The following GPR158 variants were observed in gnomAD, a reference collection of about 807,000 sequenced individuals.
GPR158 encodes metabotropic glycine receptor.
GPR158 carries 30 observed loss-of-function variants against 78.2 expected under a neutral mutation model. The ratio of observed to expected loss-of-function variants is 0.38; its 90% CI spans 0.29 to 0.52. The LOEUF (loss-of-function observed/expected upper bound fraction) is 0.52. Ranked by LOEUF, GPR158 falls within the 20% of genes least tolerant of loss-of-function variation. GPR158 has a pLI of 0.83. For synonymous variants in GPR158, 581 were observed against 591.1 expected (o/e 0.98, Z 0.25); for missense variants, 1,463 against 1,523.5 (o/e 0.96, Z 0.66).
chr10:25,516,888 T>C (rs1343680748), intron 5 of GPR158, among the ~76,000 whole-genome samples: 200 of 117,134 alleles, frequency 1.7e-3, no homozygotes, highest in Admixed American at 2.5e-3. Flanking sequence ...TTTAAAGTAG[T>C]TTTTTCCAAT....
intron 2 of GPR158, among the ~76,000 whole-genome samples, chr10:25,390,441 T>A (rs1773609): frequency 1.4e-4 from 22 of 152,088 alleles, no homozygotes; most frequent in Non-Finnish European, 2.8e-4. Context: ...TAAGGAACTT[T>A]TTGGGAACTG....
At chr10:25,225,927 A>C (rs748770035) in intron 2 of GPR158, among the ~76,000 whole-genome samples, 3 of 152,194 alleles carry the variant, frequency 2.0e-5, no homozygotes, top group Non-Finnish European at 4.4e-5. Context: ...GATTCAAAGA[A>C]AGCAGAAAAA....
intron 2 of GPR158, among the ~76,000 whole-genome samples, chr10:25,248,095 T>C (rs1406979616): frequency 5.0e-4 from 72 of 144,594 alleles, no homozygotes; most frequent in African/African-American, 1.1e-3. Flanking sequence ...CATGTGTTTT[T>C]TGGCTGCATA....
chr10:25,346,807 A>G (rs1397293659), intron 2 of GPR158, among the ~76,000 whole-genome samples: 2 of 151,932 alleles, frequency 1.3e-5, no homozygotes, highest in African/African-American at 2.4e-5. Flanking sequence ...GAAAGATCTA[A>G]ATTTTGTTTT....
At chr10:25,221,940 G>C (rs2130683931) in intron 2 of GPR158, among the ~76,000 whole-genome samples, 1 of 152,050 alleles carries the variant, frequency 6.6e-6, no homozygotes, top group South Asian at 2.1e-4. Flanking sequence ...AAAATAGAGG[G>C]GATATTTCCA....
At chr10:25,362,595 A>G (rs1221958482) in intron 2 of GPR158, among the ~76,000 whole-genome samples, 3 of 151,808 alleles carry the variant, frequency 2.0e-5, no homozygotes, top group Admixed American at 2.0e-4. Context: ...GATGGTTTTC[A>G]TTTATCTGTA....
intron 6 of GPR158, among the ~76,000 whole-genome samples, chr10:25,560,410 T>C (rs1018764478): frequency 1.3e-5 from 2 of 151,968 alleles, no homozygotes; most frequent in African/African-American, 2.4e-5. Context: ...GGACTACAGG[T>C]GCCCGCCACC....
chr10:25,381,643 G>T (rs568510715), intron 2 of GPR158, among the ~76,000 whole-genome samples: 1 of 152,214 alleles, frequency 6.6e-6, no homozygotes, highest in African/African-American at 2.4e-5. Flanking sequence ...TATGGGTGTA[G>T]GTTTAGTAGA....
At chr10:25,322,098 T>C (rs888834369) in intron 2 of GPR158, among the ~76,000 whole-genome samples, 3 of 152,040 alleles carry the variant, frequency 2.0e-5, no homozygotes, top group Non-Finnish European at 4.4e-5. Flanking sequence ...AAATCACAGA[T>C]ACGGCCAGGC....
chr10:25,472,176 C>T (rs1345211172), intron 5 of GPR158, among the ~76,000 whole-genome samples: 3 of 152,096 alleles, frequency 2.0e-5, no homozygotes, highest in East Asian at 1.9e-4. Flanking sequence ...CAGCTTTCTA[C>T]ATATGGCTAG....
intron 4 of GPR158, among the ~76,000 whole-genome samples, chr10:25,442,196 A>C (rs1230329140): frequency 1.4e-5 from 2 of 146,850 alleles, no homozygotes; most frequent in Non-Finnish European, 3.0e-5. Context: ...AAGAACAGAA[A>C]GGAGTTTTAA....
At chr10:25,289,249 G>A (rs1261861491) in intron 2 of GPR158, among the ~76,000 whole-genome samples, 1 of 152,152 alleles carries the variant, frequency 6.6e-6, no homozygotes, top group South Asian at 2.1e-4. Context: ...CAATGAATTT[G>A]TGGTGGGTCT....
intron 6 of GPR158, among the ~76,000 whole-genome samples, chr10:25,553,777 A>G (rs1352541699): frequency 6.6e-6 from 1 of 152,148 alleles, no homozygotes; most frequent in East Asian, 1.9e-4. Context: ...CATGATAGAG[A>G]GGAAAGATGT....
At chr10:25,368,383 T>A (rs575311383) in intron 2 of GPR158, among the ~76,000 whole-genome samples, 43 of 151,930 alleles carry the variant, frequency 2.8e-4, no homozygotes, top group African/African-American at 1.0e-3. Context: ...ATGAGAAATT[T>A]GTAAGAAAAA....
In GPR158 at chr10:25,340,976, A is replaced by G. The variant is rs374092873; in HGVS notation, c.1009-54935A>G. Among the ~76,000 whole-genome samples the G allele has an allele frequency of 7.9e-5, 12 of 152,134 alleles. No individual in the cohort carries two copies. The South Asian group carries it at 2.3e-3, about 29-fold the overall frequency. On this transcript the variant is annotated intron_variant, in intron 2 of 10. Coordinates refer to ENST00000376351, the MANE Select transcript of GPR158 (RefSeq NM_020752.3). Reference sequence around the variant, plus strand: ...ATACAATTTTTTTTTAAATAGACAAAGAAATGTTTTAGGAGCTATAGTAAG... The same window carrying G: ...ATACAATTTTTTTTTAAATAGACAAGGAAATGTTTTAGGAGCTATAGTAAG...
chr10:25,549,520 T>C (rs1052219352), intron 5 of GPR158, among the ~76,000 whole-genome samples: 1 of 152,114 alleles, frequency 6.6e-6, no homozygotes, highest in African/African-American at 2.4e-5. Flanking sequence ...AAGGAAAATA[T>C]TTATCTGTAT....
At chr10:25,579,732 C>T (rs1460666689) in intron 7 of GPR158, among the ~76,000 whole-genome samples, 1 of 152,206 alleles carries the variant, frequency 6.6e-6, no homozygotes, top group South Asian at 2.1e-4. Context: ...CCCAGGCAAG[C>T]GCTGAGCTGT....
chr10:25,288,017 T>C (rs1039458503), intron 2 of GPR158, among the ~76,000 whole-genome samples: 1 of 152,172 alleles, frequency 6.6e-6, no homozygotes, highest in Non-Finnish European at 1.5e-5. Context: ...ACTTTTACAT[T>C]CTTATATCCA....
chr10:25,445,650 C>A (rs1260948732), intron 4 of GPR158, among the ~76,000 whole-genome samples: 1 of 151,838 alleles, frequency 6.6e-6, no homozygotes, highest in African/African-American at 2.4e-5. Flanking sequence ...TGATTCACGG[C>A]AGCAACACTA....
Sources: gnomAD v4.1 joint callset for allele counts (sites outside exome capture counted in the v4.1 genomes callset) on GRCh38, gnomAD v4.1.1 for gene constraint, MANE v1.5 for transcripts, NCBI Gene and HGNC (gene_info 2026-07-23, HGNC 2026-07-21) for gene names.